The following ZNF804B variants were observed in gnomAD, a reference collection of about 807,000 sequenced individuals.
ZNF804B encodes zinc finger protein 804B.
A neutral mutation model predicts 101.4 loss-of-function variants in ZNF804B; 80 were observed. That is an observed-to-expected ratio of 0.79 (90% CI 0.66 to 0.95). The LOEUF is 0.95. Ranked by LOEUF, ZNF804B falls within the 40% of genes least tolerant of loss-of-function variation. ZNF804B has a pLI of 0.00. For synonymous variants in ZNF804B, 622 were observed against 558.8 expected, an observed-to-expected ratio of 1.11 and a Z score of -1.59; for missense variants, 1,673 against 1,561.9, an observed-to-expected ratio of 1.07 and a Z score of -1.20.
At chr7:89,275,035 T>A (rs1789957708) in intron 2 of ZNF804B, among the ~76,000 whole-genome samples, 1 of 151,994 alleles carries the variant, frequency 6.6e-6, no homozygotes. Flanking sequence ...TTCCAGATTT[T>A]ATGTAAGTCA....
intron 1 of ZNF804B, among the ~76,000 whole-genome samples, chr7:89,209,021 A>AAATAAT (rs754699709): frequency 2.0e-5 from 3 of 151,882 alleles, no homozygotes; most frequent in Admixed American, 6.6e-5. Context: ...CAAAAAAATA[A>AAATAAT]AATAATAATA....
chr7:88,879,332 A>G lies in ZNF804B; in HGVS notation c.108+119248A>G, dbSNP rs191157793. Among the ~76,000 whole-genome samples the G allele has an allele frequency of 4.6e-5, 7 of 152,318 alleles. No individual in the cohort carries two copies. The East Asian group carries it at 9.7e-4, about 21-fold the overall frequency. ...AATTGGTTGCTGGGGAGTAAAAAAAATCTTACTTTTTATGCACAAAGTATA... is the reference window on the plus strand; with the variant it reads ...AATTGGTTGCTGGGGAGTAAAAAAAGTCTTACTTTTTATGCACAAAGTATA... On this transcript the variant is annotated intron_variant, in intron 1 of 3. Coordinates refer to ENST00000333190, the MANE Select transcript of ZNF804B (RefSeq NM_181646.5).
intron 1 of ZNF804B, among the ~76,000 whole-genome samples, chr7:88,906,982 A>G (rs997738884): frequency 6.6e-6 from 1 of 152,036 alleles, no homozygotes; most frequent in Non-Finnish European, 1.5e-5. Context: ...TTGTCATTAT[A>G]TAATGGCTTT....
chr7:88,833,842 C>A (rs1297914437), intron 1 of ZNF804B, among the ~76,000 whole-genome samples: 1 of 151,704 alleles, frequency 6.6e-6, no homozygotes, highest in East Asian at 1.9e-4. Flanking sequence ...GTCCAAATTT[C>A]CAGTAGATTT....
At chr7:89,161,341 G>A (rs1321064034) in intron 1 of ZNF804B, among the ~76,000 whole-genome samples, 2 of 151,542 alleles carry the variant, frequency 1.3e-5, no homozygotes, top group Admixed American at 6.6e-5. Flanking sequence ...GAAGCCAACA[G>A]AACATTACCT....
intron 3 of ZNF804B, among the ~76,000 whole-genome samples, chr7:89,330,580 G>GA (rs1404094299): frequency 1.3e-5 from 2 of 151,212 alleles, no homozygotes; most frequent in Non-Finnish European, 3.0e-5. Context: ...ACCCCACAAA[G>GA]ATAAAAACAG....
chr7:89,058,251 A>G (rs1400303713), intron 1 of ZNF804B, among the ~76,000 whole-genome samples: 2 of 152,112 alleles, frequency 1.3e-5, no homozygotes, highest in African/African-American at 2.4e-5. Flanking sequence ...CTGCTTAGGT[A>G]TGGTGAAAGT....
intron 1 of ZNF804B, among the ~76,000 whole-genome samples, chr7:88,952,611 T>A (rs1014814212): frequency 6.6e-6 from 1 of 151,788 alleles, no homozygotes; most frequent in Non-Finnish European, 1.5e-5. Flanking sequence ...TTCCTTTTAT[T>A]GATTGATTTT....
chr7:89,263,338 G>A (rs1221751427), intron 2 of ZNF804B, among the ~76,000 whole-genome samples: 2 of 146,530 alleles, frequency 1.4e-5, no homozygotes, highest in Non-Finnish European at 3.0e-5. Flanking sequence ...TTATTTTAAA[G>A]TTGTGCTTTG....
At chr7:89,325,130 G>A (rs1433069459) in intron 2 of ZNF804B, among the ~76,000 whole-genome samples, 1 of 151,736 alleles carries the variant, frequency 6.6e-6, no homozygotes, top group Non-Finnish European at 1.5e-5. Context: ...TCCTAAACTG[G>A]AACAGTTTCC....
At chr7:89,135,017 T>G (rs777234279) in intron 1 of ZNF804B, among the ~76,000 whole-genome samples, 3 of 152,132 alleles carry the variant, frequency 2.0e-5, no homozygotes, top group Non-Finnish European at 4.4e-5. Flanking sequence ...TCTACATTAG[T>G]GTTTTGTTAA....
chr7:89,304,381 T>G (rs1168007297), intron 2 of ZNF804B, among the ~76,000 whole-genome samples: 1 of 152,002 alleles, frequency 6.6e-6, no homozygotes, highest in Non-Finnish European at 1.5e-5. Flanking sequence ...TCTCCCCTAT[T>G]TCAATAGTCT....
At chr7:89,178,685 G>C (rs143376243) in intron 1 of ZNF804B, among the ~76,000 whole-genome samples, 38 of 152,136 alleles carry the variant, frequency 2.5e-4, no homozygotes, top group Non-Finnish European at 4.7e-4. Flanking sequence ...TTCTACTCAA[G>C]ATATGAGAAG....
chr7:88,940,815 A>G (rs938680796), intron 1 of ZNF804B, among the ~76,000 whole-genome samples: 1 of 146,358 alleles, frequency 6.8e-6, no homozygotes, highest in Non-Finnish European at 1.5e-5. Flanking sequence ...AATAGAATGT[A>G]TCTCAAGACA....
intron 1 of ZNF804B, among the ~76,000 whole-genome samples, chr7:88,801,212 C>T (rs1047454170): frequency 1.3e-5 from 2 of 151,558 alleles, no homozygotes; most frequent in African/African-American, 4.9e-5. Context: ...AGGAATGGAA[C>T]CCTGGTGTGT....
chr7:88,934,630 A>G (rs1312097968), intron 1 of ZNF804B, among the ~76,000 whole-genome samples: 2 of 151,970 alleles, frequency 1.3e-5, no homozygotes, highest in Non-Finnish European at 2.9e-5. Context: ...AACAAACATA[A>G]GAAAAAACAT....
chr7:89,123,704 C>T (rs991924506), intron 1 of ZNF804B, among the ~76,000 whole-genome samples: 1 of 58,484 alleles, frequency 1.7e-5, no homozygotes, highest in African/African-American at 1.3e-4. Flanking sequence ...ATATAATTTA[C>T]TTAACAGCAT....
chr7:88,972,784 TTCTCACTAATAGTATACC>T (rs1182088246), intron 1 of ZNF804B, among the ~76,000 whole-genome samples: 8 of 151,306 alleles, frequency 5.3e-5, no homozygotes, highest in Non-Finnish European at 8.9e-5. Context: ...TCCATAATTC[TTCTCACTAATAGTATACC>T]TGCCTTTAAG....
intron 1 of ZNF804B, among the ~76,000 whole-genome samples, chr7:89,112,131 T>C (rs907922872): frequency 1.3e-5 from 1 of 77,218 alleles, no homozygotes; most frequent in Non-Finnish European, 2.3e-5. Context: ...AAAGTTAAAA[T>C]GGCAACACTT....
Sources: gnomAD v4.1 joint callset for allele counts (sites outside exome capture counted in the v4.1 genomes callset) on GRCh38, gnomAD v4.1.1 for gene constraint, MANE v1.5 for transcripts, NCBI Gene and HGNC (gene_info 2026-07-23, HGNC 2026-07-21) for gene names.